RNF144B: variants seen among roughly 807,000 people sequenced by gnomAD.
RNF144B encodes E3 ubiquitin-protein ligase RNF144B.
In RNF144B, 25 loss-of-function variants were observed where a neutral mutation model predicts 40.2. That is an observed-to-expected ratio of 0.62 (90% CI 0.45 to 0.87). The LOEUF (loss-of-function observed/expected upper bound fraction) is 0.87. Among genes scored for constraint, RNF144B ranks in the 40% least tolerant of loss-of-function variants. RNF144B has a pLI of 0.00. For missense variants in RNF144B, 365 were observed against 373.7 expected, an observed-to-expected ratio of 0.98 and a Z score of 0.19; for synonymous variants, 145 against 136.3, an observed-to-expected ratio of 1.06 and a Z score of -0.44.
intron 3 of RNF144B, among the ~76,000 whole-genome samples, chr6:18,436,168 A>T (rs1758820367): frequency 6.6e-6 from 1 of 152,190 alleles, no homozygotes; most frequent in Non-Finnish European, 1.5e-5. Context: ...TCATAACCTG[A>T]ATCTAATCAT....
chr6:18,399,373 A>G (rs989670696), intron 1 of RNF144B, 126 bp from the exon 2 acceptor site: 6 of 667,476 alleles, frequency 9.0e-6, no homozygotes, highest in Non-Finnish European at 1.5e-5. Context: ...CGTTCCCAGA[A>G]ATGCATTAGC....
intron 3 of RNF144B, among the ~76,000 whole-genome samples, chr6:18,430,731 C>T (rs6927663): frequency 0.08 from 12,177 of 151,832 alleles, 603 homozygotes; most frequent in Non-Finnish European, 0.12. Context: ...CTGCCTCAGC[C>T]TCCCAAAGTT....
At chr6:18,387,707 AG>A in intron 1 of RNF144B, 77 bp downstream of exon 1, 1 of 1,201,706 alleles carries the variant, frequency 8.3e-7, no homozygotes, top group Non-Finnish European at 1.1e-6. Flanking sequence ...GAAAAAGGAC[AG>A]GAAACTCACT....
Position 18,458,634 on chromosome 6 carries a change from C to T in RNF144B, c.537-973C>T, listed in dbSNP as rs1017618316. ...GGATTTGCATTCTGACATTGTCACT[C>T]GGTATCTGTGTGTCTCATAGAAGCC... On this transcript the variant is annotated intron_variant, in intron 5 of 7. Coordinates refer to ENST00000259939, the MANE Select transcript of RNF144B (RefSeq NM_182757.4). This position sits in a 1 kb window ranked among gnomAD's most constrained non-coding sequence, Gnocchi z 4.8. Among the ~76,000 whole-genome samples, 27 of 152,118 alleles carry T rather than the reference C, an allele frequency of 1.8e-4. No homozygotes were observed. Among genetic ancestry groups the T allele is most frequent in the African/African-American group, 6.3e-4 (26 of 41,428 alleles).
intron 4 of RNF144B, among the ~76,000 whole-genome samples, chr6:18,445,906 A>C (rs1336985078): frequency 6.6e-6 from 1 of 152,220 alleles, no homozygotes; most frequent in Non-Finnish European, 1.5e-5. Context: ...TCCTAGGCCA[A>C]AAGCCAGGAG....
intron 1 of RNF144B, among the ~76,000 whole-genome samples, chr6:18,390,535 T>A (rs1794558853): frequency 2.0e-5 from 3 of 152,364 alleles, no homozygotes; most frequent in South Asian, 4.1e-4. Flanking sequence ...TAGACTTTTC[T>A]TATTCATAGC....
At chr6:18,397,983 A>C (rs1267331376) in intron 1 of RNF144B, among the ~76,000 whole-genome samples, 1 of 152,044 alleles carries the variant, frequency 6.6e-6, no homozygotes, top group African/African-American at 2.4e-5. Flanking sequence ...ATGCCAGGTG[A>C]GGAAGCATAC....
At position 18,441,061 on chromosome 6, in the gene RNF144B, G is replaced by A. The variant is rs933086100; in HGVS notation, c.331+1317G>A. Among the ~76,000 whole-genome samples, 2 of 152,068 alleles carry A rather than the reference G, an allele frequency of 1.3e-5. No individual in the cohort carries two copies. The highest frequency in any genetic ancestry group is 2.4e-5 in the African/African-American group (1 of 41,396). On this transcript the variant is annotated intron_variant, in intron 4 of 7. Transcript: ENST00000259939. The surrounding 1 kb of genome is among the most constrained non-coding windows in gnomAD (Gnocchi z 4.9). ...GATGATGACATAATCTGATGCTTCT[G>A]TTCTGTGATAAGTTAATGATGGGGG...
At chr6:18,407,268 G>A (rs569683889) in intron 2 of RNF144B, among the ~76,000 whole-genome samples, 3 of 152,160 alleles carry the variant, frequency 2.0e-5, no homozygotes, top group South Asian at 2.1e-4. Context: ...GTGAAAGCAA[G>A]AAGACTACTT....
In RNF144B at chr6:18,419,408, A is replaced by G. The variant is rs529099251; in HGVS notation, c.166-8173A>G. Among the ~76,000 whole-genome samples the G allele has an allele frequency of 3.9e-5, 6 of 152,280 alleles. No homozygotes were observed. The highest frequency in any genetic ancestry group is 2.0e-4 in the Admixed American group (3 of 15,274). On this transcript the variant is annotated intron_variant, in intron 2 of 7. Transcript: ENST00000259939. This position sits in a 1 kb window ranked among gnomAD's most constrained non-coding sequence, Gnocchi z 4.6. ...GCAGTGGACTAGCACAACTGGTTCT[A>G]TATAGCAAATGAGGCGACCCAGGAA... is the stretch of plus-strand genomic sequence containing the variant.
chr6:18,410,284 A>G lies in RNF144B; in HGVS notation c.165+10585A>G, dbSNP rs1795007482. ...AGACTCTACTGATCCATTTGGTACTAGTGTGTGCCAGGCATGGTGTTAATT... is the reference window on the plus strand; with the variant it reads ...AGACTCTACTGATCCATTTGGTACTGGTGTGTGCCAGGCATGGTGTTAATT... On this transcript the variant is annotated intron_variant, in intron 2 of 7. Transcript: ENST00000259939. This position sits in a 1 kb window ranked among gnomAD's most constrained non-coding sequence, Gnocchi z 4.6. Among the ~76,000 whole-genome samples the G allele has an allele frequency of 6.6e-6, 1 of 152,156 alleles. No homozygotes were observed. The highest frequency in any genetic ancestry group is 1.5e-5 in the Non-Finnish European group (1 of 68,028).
rs571742983 is a variant in RNF144B, at chr6:18,428,102, T to G, written c.270+417T>G. On this transcript the variant is annotated intron_variant, in intron 3 of 7. Coordinates refer to ENST00000259939, the MANE Select transcript of RNF144B (RefSeq NM_182757.4). ...CCCATGCTGTTCTCGTGATAGTGCG[T>G]TCTCCTGAGAACTGATGGTTTTATA... is the stretch of plus-strand genomic sequence containing the variant. 2.2e-3 allele frequency among the ~76,000 whole-genome samples: 334 copies of G among 152,274 alleles called. 4 individuals are homozygous for G. The highest frequency in any genetic ancestry group is 7.4e-3 in the African/African-American group (309 of 41,554).
rs1053567793 is a variant in RNF144B at position 18,434,702 on chromosome 6, A to C, written c.271-4982A>C. 6.6e-6 allele frequency among the ~76,000 whole-genome samples: 1 copy of C among 152,066 alleles called. No homozygotes were observed. The highest frequency in any genetic ancestry group is 1.5e-5 in the Non-Finnish European group (1 of 68,006). On this transcript the variant is annotated intron_variant, in intron 3 of 7. Coordinates refer to ENST00000259939, the MANE Select transcript of RNF144B (RefSeq NM_182757.4). This position sits in a 1 kb window ranked among gnomAD's most constrained non-coding sequence, Gnocchi z 4.1. ...AGTGGTGCGATCTCGGCTCACTGCA[A>C]GCTCCGCCTCCCAGGTTCATGCCAT...
rs1426634124 is a variant in RNF144B, at chr6:18,416,732, G to C, written c.166-10849G>C. Among the ~76,000 whole-genome samples, 2 of 152,066 alleles carry C rather than the reference G, an allele frequency of 1.3e-5. No homozygotes were observed. The highest frequency in any genetic ancestry group is 6.6e-5 in the Admixed American group (1 of 15,264). On this transcript the variant is annotated intron_variant, in intron 2 of 7. Transcript: ENST00000259939. This position sits in a 1 kb window ranked among gnomAD's most constrained non-coding sequence, Gnocchi z 5.5. ...TAAGCTTCCTTTGCTGTTTCTTTTG[G>C]AACTAGCTGAATGCTTGTATTCTCT... is the stretch of plus-strand genomic sequence containing the variant.
At chr6:18,451,697 A>G (rs934060222) in intron 4 of RNF144B, among the ~76,000 whole-genome samples, 3 of 152,236 alleles carry the variant, frequency 2.0e-5, no homozygotes, top group Non-Finnish European at 4.4e-5. Context: ...CATTTCAGAT[A>G]CTTAAGAAGG....
At position 18,457,049 on chromosome 6, in the gene RNF144B, A is replaced by G. The variant is rs538545861; in HGVS notation, c.332-106A>G. On this transcript the variant is annotated intron_variant, in intron 4 of 7. Coordinates refer to ENST00000259939, the MANE Select transcript of RNF144B (RefSeq NM_182757.4). This position sits in a 1 kb window ranked among gnomAD's most constrained non-coding sequence, Gnocchi z 5.1. ...GTACTCCAGCCTGGGCGACAGAGTG[A>G]GACTCTGGTTCCAAATAAATTAAAT... 6 of 941,908 alleles carry G rather than the reference A, an allele frequency of 6.4e-6. No individual in the cohort carries two copies. Among genetic ancestry groups the G allele is most frequent in the Admixed American group, 1.7e-5 (1 of 57,716 alleles). 58.3% of individuals were successfully genotyped at this position (941,908 alleles called of 1,614,324 possible). A position where few individuals can be genotyped will look rare whatever the true frequency, so the allele number is the denominator to read the frequency against.
At position 18,442,585 on chromosome 6, in the gene RNF144B, T is replaced by C. The variant is rs1228893978; in HGVS notation, c.331+2841T>C. On this transcript the variant is annotated intron_variant, in intron 4 of 7. Coordinates refer to ENST00000259939, the MANE Select transcript of RNF144B (RefSeq NM_182757.4). This position sits in a 1 kb window ranked among gnomAD's most constrained non-coding sequence, Gnocchi z 4.3. ...AACATAAAAGTTGCCATTTAAACCATTTTTAGATGTGCAATTCAGTGACAT... is the reference window on the plus strand; with the variant it reads ...AACATAAAAGTTGCCATTTAAACCACTTTTAGATGTGCAATTCAGTGACAT... 6.6e-6 allele frequency among the ~76,000 whole-genome samples: 1 copy of C among 152,228 alleles called. No individual in the cohort carries two copies. Among genetic ancestry groups the C allele is most frequent in the Non-Finnish European group, 1.5e-5 (1 of 68,038 alleles).
In RNF144B at chr6:18,450,424, A is replaced by C. The variant is rs1457329362; in HGVS notation, c.332-6731A>C. Among the ~76,000 whole-genome samples, 4 of 151,890 alleles carry C rather than the reference A, an allele frequency of 2.6e-5. No homozygotes were observed. Among genetic ancestry groups the C allele is most frequent in the African/African-American group, 9.7e-5 (4 of 41,304 alleles). ...GTGATTCTCCTGCCTCAGCCTCCCG[A>C]GTAGCTGGGATTACACGTGTGTGCC... On this transcript the variant is annotated intron_variant, in intron 4 of 7. Coordinates refer to ENST00000259939, the MANE Select transcript of RNF144B (RefSeq NM_182757.4). This position sits in a 1 kb window ranked among gnomAD's most constrained non-coding sequence, Gnocchi z 4.7.
rs941483876 is a variant in RNF144B at position 18,459,386 on chromosome 6, G to A, written c.537-221G>A. Among the ~76,000 whole-genome samples the A allele has an allele frequency of 7.2e-6, 1 of 138,770 alleles. No homozygotes were observed. Among genetic ancestry groups the A allele is most frequent in the Non-Finnish European group, 1.7e-5 (1 of 60,564 alleles). 91.0% of individuals were successfully genotyped at this position (138,770 alleles called of 152,430 possible). On this transcript the variant is annotated intron_variant, in intron 5 of 7. Transcript: ENST00000259939. This position sits in a 1 kb window ranked among gnomAD's most constrained non-coding sequence, Gnocchi z 4.2. ...GACAAAATAGTGAGTTAAATCAGTG[G>A]TGGAAACTGTAATTATATAATTCAC...
Sources: gnomAD v4.1 joint callset for allele counts (sites outside exome capture counted in the v4.1 genomes callset) on GRCh38, gnomAD v4.1.1 for gene constraint, Gnocchi (gnomAD v3.1) non-coding constraint, MANE v1.5 for transcripts, NCBI Gene and HGNC (gene_info 2026-07-23, HGNC 2026-07-21) for gene names.